Variants in FGF14 observed in about 807,000 individuals in gnomAD.
The protein encoded by FGF14 is fibroblast growth factor 14.
A neutral mutation model predicts 25.5 loss-of-function variants in FGF14; 5 were observed. The observed-to-expected ratio is 0.20, with a 90% CI of 0.10 to 0.41. The LOEUF (loss-of-function observed/expected upper bound fraction) is 0.41, where lower values mean the gene tolerates loss of function less well. FGF14 is among the 10% of genes least tolerant of loss of function. The pLI, the probability that FGF14 is intolerant of heterozygous loss-of-function variation, is 1.00. For synonymous variants in FGF14, 138 were observed against 118.3 expected, an observed-to-expected ratio of 1.17 and a Z score of -1.08; for missense variants, 222 against 320.1, an observed-to-expected ratio of 0.69 and a Z score of 2.34.
At chr13:101,826,770 T>C (rs2042411358) in intron 3 of FGF14, among the ~76,000 whole-genome samples, 1 of 152,164 alleles carries the variant, frequency 6.6e-6, no homozygotes, top group Non-Finnish European at 1.5e-5. Context: ...AGTATGGAAT[T>C]TTTATTTAAC....
chr13:101,752,740 A>C (rs79357826), intron 3 of FGF14, among the ~76,000 whole-genome samples: 5,582 of 152,240 alleles, frequency 0.037, 272 homozygotes, highest in African/African-American at 0.11. Flanking sequence ...TGCCATTCTA[A>C]GTTATTGATG....
chr13:102,183,387 A>G (rs1449785573), intron 1 of FGF14, among the ~76,000 whole-genome samples: 1 of 152,158 alleles, frequency 6.6e-6, no homozygotes, highest in African/African-American at 2.4e-5. Flanking sequence ...AGAGAGCATA[A>G]ATCAATTGCT....
intron 1 of FGF14, among the ~76,000 whole-genome samples, chr13:102,178,275 C>T (rs1484104764): frequency 6.6e-6 from 1 of 152,104 alleles, no homozygotes; most frequent in Non-Finnish European, 1.5e-5. Context: ...GTAATTTTCA[C>T]GTCCTGGAAA....
intron 1 of FGF14, among the ~76,000 whole-genome samples, chr13:102,130,650 C>G (rs771805835): frequency 1.5e-4 from 22 of 151,302 alleles, no homozygotes; most frequent in Non-Finnish European, 3.3e-4. Context: ...CTACCTATCA[C>G]AGGTAGAAAA....
chr13:101,902,600 C>T (rs780712989), intron 1 of FGF14, among the ~76,000 whole-genome samples: 5 of 152,172 alleles, frequency 3.3e-5, no homozygotes, highest in Non-Finnish European at 5.9e-5. Context: ...GTGTGTAATA[C>T]AATCTAAATG....
At chr13:101,811,035 C>A (rs891315605) in intron 3 of FGF14, among the ~76,000 whole-genome samples, 2 of 16,350 alleles carry the variant, frequency 1.2e-4, no homozygotes, top group African/African-American at 2.5e-4. Context: ...CATATCCGCC[C>A]CCCCCGGCCC....
intron 1 of FGF14, among the ~76,000 whole-genome samples, chr13:102,124,927 G>A (rs548460158): frequency 1.4e-4 from 22 of 151,800 alleles, no homozygotes; most frequent in Non-Finnish European, 2.6e-4. Flanking sequence ...TTTATTCTTA[G>A]AAATACTATT....
chr13:102,368,496 G>A (rs181123544), intron 1 of FGF14, among the ~76,000 whole-genome samples: 1 of 152,272 alleles, frequency 6.6e-6, no homozygotes, highest in Non-Finnish European at 1.5e-5. Flanking sequence ...GGTTCAGAAG[G>A]TCTTTTTCCC....
intron 1 of FGF14, among the ~76,000 whole-genome samples, chr13:102,108,341 A>C (rs1261569977): frequency 1.3e-5 from 2 of 152,232 alleles, no homozygotes; most frequent in Non-Finnish European, 2.9e-5. Flanking sequence ...TTTCCCCAGA[A>C]GACTGGATCT....
In FGF14 at chr13:101,712,861, A is replaced by T. The variant is rs937139445; in HGVS notation, c.*9970T>A. 1 of 152,182 alleles carries T rather than the reference A, an allele frequency of 6.6e-6. No homozygotes were observed. The highest frequency in any genetic ancestry group is 2.1e-4 in the South Asian group (1 of 4,832). 9.4% of individuals were successfully genotyped at this position (152,182 alleles called of 1,614,324 possible). ...GGAAATTCCTCACCTTGATGAGACC[A>T]CAAGGGAACCAGCATCCTTTGCAGA... is the stretch of plus-strand genomic sequence containing the variant. On this transcript the variant is annotated 3_prime_UTR_variant, in exon 5 of 5. Transcript: ENST00000376143.
At chr13:102,112,632 T>C (rs1178580919) in intron 1 of FGF14, among the ~76,000 whole-genome samples, 1 of 152,218 alleles carries the variant, frequency 6.6e-6, no homozygotes, top group African/African-American at 2.4e-5. Flanking sequence ...CAAATTATCT[T>C]GGGGCATGAT....
intron 1 of FGF14, among the ~76,000 whole-genome samples, chr13:102,177,507 T>A (rs1031063955): frequency 1.3e-5 from 2 of 152,184 alleles, no homozygotes; most frequent in Admixed American, 6.6e-5. Flanking sequence ...TTTCAATTAA[T>A]ATGTGCCACA....
chr13:102,041,169 TA>T (rs1440590064), intron 1 of FGF14, among the ~76,000 whole-genome samples: 1 of 152,078 alleles, frequency 6.6e-6, no homozygotes, highest in Non-Finnish European at 1.5e-5. Context: ...TCTTCACACA[TA>T]TTTTTTAAAA....
At chr13:101,793,052 A>G (rs574601204) in intron 3 of FGF14, among the ~76,000 whole-genome samples, 1 of 152,218 alleles carries the variant, frequency 6.6e-6, no homozygotes, top group East Asian at 1.9e-4. Flanking sequence ...TGATATGGAG[A>G]TGTACATTAC....
At chr13:102,196,819 T>G (rs533373190) in intron 1 of FGF14, among the ~76,000 whole-genome samples, 285 of 152,306 alleles carry the variant, frequency 1.9e-3, no homozygotes, top group African/African-American at 6.3e-3. Context: ...TACCGTTTGA[T>G]CAACATCTAC....
intron 1 of FGF14, among the ~76,000 whole-genome samples, chr13:101,927,730 A>C (rs1391669723): frequency 2.0e-5 from 3 of 152,046 alleles, no homozygotes; most frequent in African/African-American, 7.2e-5. Context: ...ACAGGCTCCC[A>C]GCTTCCCTGC....
chr13:101,949,585 C>T (rs2036027674), intron 1 of FGF14, among the ~76,000 whole-genome samples: 1 of 152,120 alleles, frequency 6.6e-6, no homozygotes, highest in South Asian at 2.1e-4. Context: ...GACATGCATG[C>T]CCTTTAGTTA....
intron 3 of FGF14, among the ~76,000 whole-genome samples, chr13:101,867,999 CAG>C (rs2044823424): frequency 1.3e-5 from 2 of 151,478 alleles, no homozygotes; most frequent in African/African-American, 2.4e-5. Flanking sequence ...TTAACAATGA[CAG>C]AGTTTCAACG....
chr13:101,883,357 C>T (rs2138819473), intron 1 of FGF14, among the ~76,000 whole-genome samples: 1 of 152,302 alleles, frequency 6.6e-6, no homozygotes, highest in South Asian at 2.1e-4. Flanking sequence ...AGAAATACAA[C>T]ATTTTACATT....
Sources: gnomAD v4.1 joint callset for allele counts (sites outside exome capture counted in the v4.1 genomes callset) on GRCh38, gnomAD v4.1.1 for gene constraint, MANE v1.5 for transcripts, NCBI Gene and HGNC (gene_info 2026-07-23, HGNC 2026-07-21) for gene names.